The following ATAD3B variants were observed in gnomAD, a reference collection of about 807,000 sequenced individuals.
ATAD3B encodes ATPase family AAA domain-containing protein 3B.
A neutral mutation model predicts 70.2 loss-of-function variants in ATAD3B; 59 were observed. The observed-to-expected ratio is 0.84, with a 90% CI of 0.68 to 1.04. The LOEUF is 1.04. ATAD3B is among the 50% of genes least tolerant of loss of function. The probability of loss-of-function intolerance (pLI) is 0.00; values close to 1 mark genes in which losing one functional copy is unlikely to be tolerated. For synonymous variants in ATAD3B, 423 were observed against 388.6 expected (o/e 1.09, Z -1.04); for missense variants, 961 against 913.4 (o/e 1.05, Z -0.67).
Position 1,486,243 on chromosome 1 carries a change from C to G in ATAD3B, c.1089+8C>G. ...AAGACGCTGTTTGCCAAGGTGAGAG[C>G]GCCTGGCTGAACAGGTGGGCCAGGG... On this transcript the variant is annotated splice_region_variant and intron_variant, in intron 10 of 15. Coordinates refer to ENST00000673477, the MANE Select transcript of ATAD3B (RefSeq NM_031921.6). 2 of 1,612,740 alleles carry G rather than the reference C, an allele frequency of 1.2e-6. No homozygotes were observed. The highest frequency in any genetic ancestry group is 1.7e-6 in the Non-Finnish European group (2 of 1,179,612).
intron 9 of ATAD3B, 99 bp from the exon 10 acceptor site, chr1:1,486,011 T>G (rs150304794): frequency 1.9e-6 from 3 of 1,596,872 alleles, no homozygotes; most frequent in East Asian, 4.5e-5. Flanking sequence ...GGCGGCTTCC[T>G]GAGGAGCAGA....
intron 7 of ATAD3B, chr1:1,482,821 C>A: frequency 1.4e-6 from 1 of 707,156 alleles, no homozygotes; most frequent in Non-Finnish European, 2.4e-6. Flanking sequence ...CTGGGCCACA[C>A]GGTGAGACCC....
intron 15 of ATAD3B, among the ~76,000 whole-genome samples, chr1:1,491,597 G>T (rs1416888657): frequency 2.6e-5 from 4 of 151,968 alleles, no homozygotes; most frequent in Admixed American, 2.0e-4. Flanking sequence ...GGGGTAGAAG[G>T]CGCCCTGGCC....
chr1:1,503,421 C>T, the ATAD3B span: 3 of 678,290 alleles, frequency 4.4e-6, no homozygotes, highest in Non-Finnish European at 7.7e-6. Context: ...GATGGGGCAT[C>T]GTCACGCCAG....
At chr1:1,483,097 A>G (rs1268614332) in intron 7 of ATAD3B, 1 of 453,486 alleles carries the variant, frequency 2.2e-6, no homozygotes, top group Non-Finnish European at 4.4e-6. Flanking sequence ...GATCGAGATC[A>G]TCCTGGTAAG....
rs576842131 is a variant in ATAD3B, at chr1:1,489,514, G to T, written c.1337+240G>T. ...TGTCTTCACGGCCCTGTGCGCCGCC[G>T]CCCCAGCTTGCAGGTCCCTCTGCCC... On this transcript the variant is annotated intron_variant, in intron 13 of 15. Coordinates refer to ENST00000673477, the MANE Select transcript of ATAD3B (RefSeq NM_031921.6). 4 of 975,958 alleles carry T rather than the reference G, an allele frequency of 4.1e-6. No individual in the cohort carries two copies. The African/African-American group carries it at 5.0e-5, about 12-fold the overall frequency. 60.5% of individuals were successfully genotyped at this position (975,958 alleles called of 1,614,324 possible). A position where few individuals can be genotyped will look rare whatever the true frequency, so the allele number is the denominator to read the frequency against.
At position 1,473,447 on chromosome 1, in the gene ATAD3B, A is replaced by G. The variant is rs532062116; in HGVS notation, c.205+1358A>G. ...TCTCGATCTCCTGACCTCGTGGTCC[A>G]CCCGCCTCGGCCTCCCAAAGTGCTG... On this transcript the variant is annotated intron_variant, in intron 1 of 15. Coordinates refer to ENST00000673477, the MANE Select transcript of ATAD3B (RefSeq NM_031921.6). 3.5e-3 allele frequency among the ~76,000 whole-genome samples: 524 copies of G among 148,084 alleles called. 13 individuals are homozygous for G. The Middle Eastern group carries it at 0.051, about 14-fold the overall frequency.
chr1:1,473,869 G>A (rs1217619426), intron 1 of ATAD3B, among the ~76,000 whole-genome samples: 2 of 152,048 alleles, frequency 1.3e-5, no homozygotes, highest in Non-Finnish European at 2.9e-5. Flanking sequence ...GAGTTTCCCT[G>A]TTTAAGGAGG....
the ATAD3B span, among the ~76,000 whole-genome samples, chr1:1,504,718 G>A: frequency 6.6e-6 from 1 of 152,104 alleles, no homozygotes; most frequent in Non-Finnish European, 1.5e-5. Flanking sequence ...CCACTGGGGC[G>A]TGTGTGCCCA....
At chr1:1,495,003 G>A (rs1640709572) in intron 15 of ATAD3B, among the ~76,000 whole-genome samples, 1 of 152,118 alleles carries the variant, frequency 6.6e-6, no homozygotes, top group African/African-American at 2.4e-5. Context: ...TCAATGCCAA[G>A]CCCTGTGCCC....
In ATAD3B at chr1:1,489,156, T is replaced by G. The variant is rs375591496; in HGVS notation, c.1267-48T>G. 49 of 1,611,774 alleles carry G rather than the reference T, an allele frequency of 3.0e-5. 2 individuals carry two copies. Among genetic ancestry groups the G allele is most frequent in the Middle Eastern group, 3.3e-4 (2 of 6,072 alleles). ...TGTGGGACTTTCTGCTCTGGCTGTT[T>G]ACAAGGCTTTGCTTCTGGTGCCTAA... On this transcript the variant is annotated intron_variant, in intron 12 of 15. Transcript: ENST00000673477.
At chr1:1,487,483 G>T (rs1211588027) in intron 11 of ATAD3B, among the ~76,000 whole-genome samples, 1 of 144,872 alleles carries the variant, frequency 6.9e-6, no homozygotes, top group African/African-American at 2.5e-5. Flanking sequence ...GCGAGACTCT[G>T]TCTCAAAAAA....
At chr1:1,491,642 G>C (rs901598890) in intron 15 of ATAD3B, among the ~76,000 whole-genome samples, 1 of 152,078 alleles carries the variant, frequency 6.6e-6, no homozygotes, top group African/African-American at 2.4e-5. Flanking sequence ...GGTCCGCAGA[G>C]TCTGTGTGAC....
At chr1:1,506,002 G>A in the ATAD3B span, among the ~76,000 whole-genome samples, 2 of 152,144 alleles carry the variant, frequency 1.3e-5, no homozygotes, top group East Asian at 3.9e-4. Flanking sequence ...GGATGCCAAG[G>A]TGGGTGGAGC....
At chr1:1,480,701 C>T (rs939553756) in intron 4 of ATAD3B, among the ~76,000 whole-genome samples, 166 bp from the exon 5 acceptor site, 2 of 147,312 alleles carry the variant, frequency 1.4e-5, no homozygotes, top group African/African-American at 5.1e-5. Context: ...GACTGCCGTC[C>T]CAGCCGATGT....
chr1:1,490,288 G>A lies in ATAD3B; in HGVS notation c.1369G>A (p.Glu457Lys), dbSNP rs1640464818. The A allele has an allele frequency of 1.9e-6, 3 of 1,612,934 alleles. No homozygotes were observed. The highest frequency in any genetic ancestry group is 2.2e-5 in the East Asian group (1 of 44,890). Reference protein sequence around the residue: ...FMLVLASNLPEQFDCAINSRI... With the variant: ...FMLVLASNLPKQFDCAINSRI... ...GCTGGTCCTGGCCAGCAATCTGCCTGAGCAGTTCGACTGTGCCATCAACAG... is the reference window on the plus strand; with the variant it reads ...GCTGGTCCTGGCCAGCAATCTGCCTAAGCAGTTCGACTGTGCCATCAACAG... Residue 457 changes from glutamate to lysine, a missense_variant, in exon 14 of 16, where the codon GAG becomes AAG. Physicochemically the swap from Glu to Lys is moderately conservative, Grantham distance 56. Around this residue, in one of 4 missense-constraint regions of ATAD3B, gnomAD observed 417 missense variants for 335.0 expected, o/e 1.24. Coordinates refer to ENST00000673477, the MANE Select transcript of ATAD3B (RefSeq NM_031921.6).
In ATAD3B at chr1:1,485,162, C is replaced by T; in HGVS notation, c.897C>T (p.His299=). The change falls in exon 8 of 16, where the codon CAC becomes CAT. Residue 299 remains histidine, a synonymous_variant. Coordinates refer to ENST00000673477, the MANE Select transcript of ATAD3B (RefSeq NM_031921.6). ...SRITVLEALR[H]PIQVSRRLLS... ...TCACGGTGCTGGAGGCGCTGCGGCA[C>T]CCCATCCAGGTAGCGGCGCAGGCCT... 6.2e-7 allele frequency: 1 copy of T among 1,610,384 alleles called. No homozygotes were observed. Among genetic ancestry groups the T allele is most frequent in the Middle Eastern group, 2.2e-4 (1 of 4,544 alleles).
At chr1:1,508,530 G>A in the ATAD3B span, among the ~76,000 whole-genome samples, 1 of 151,428 alleles carries the variant, frequency 6.6e-6, no homozygotes, top group African/African-American at 2.5e-5. Flanking sequence ...ACGGCGCCCA[G>A]TGGGGGTCCC....
chr1:1,473,496 A>G (rs1570179022), intron 1 of ATAD3B, among the ~76,000 whole-genome samples: 1 of 144,486 alleles, frequency 6.9e-6, no homozygotes, highest in Non-Finnish European at 1.5e-5. Flanking sequence ...GAGCCACCGC[A>G]TGCCACCTTT....
Sources: allele counts gnomAD v4.1 joint callset (sites outside exome capture counted in the v4.1 genomes callset), GRCh38; gene constraint gnomAD v4.1.1; regional missense constraint gnomAD v4.1.1; transcripts MANE v1.5; gene names NCBI Gene and HGNC (gene_info 2026-07-23, HGNC 2026-07-21).